Variants in PTPRN2 observed in about 807,000 individuals in gnomAD.
PTPRN2 encodes the protein receptor-type tyrosine-protein phosphatase N2.
A neutral mutation model predicts 118.8 loss-of-function variants in PTPRN2; 74 were observed. That is an observed-to-expected ratio of 0.62 (90% CI 0.52 to 0.76). PTPRN2 has a LOEUF of 0.76. Among genes scored for constraint, PTPRN2 ranks in the 30% least tolerant of loss-of-function variants. PTPRN2 has a pLI of 0.00. For missense variants in PTPRN2, 1,481 were observed against 1,394.4 expected (o/e 1.06, Z -0.99); for synonymous variants, 641 against 608.0 (o/e 1.05, Z -0.80).
intron 11 of PTPRN2, among the ~76,000 whole-genome samples, chr7:157,956,321 C>T (rs762627475): frequency 4.6e-5 from 7 of 152,106 alleles, no homozygotes; most frequent in East Asian, 3.9e-4. Context: ...GTGATCGCTC[C>T]GGTCCACATC....
chr7:158,374,940 ACTG>A (rs1282802446), intron 2 of PTPRN2, among the ~76,000 whole-genome samples: 1 of 152,244 alleles, frequency 6.6e-6, no homozygotes, highest in Non-Finnish European at 1.5e-5. Context: ...GTAACATTTA[ACTG>A]GGAAAATGTA....
intron 6 of PTPRN2, among the ~76,000 whole-genome samples, chr7:158,164,728 G>A (rs1321993975): frequency 6.6e-6 from 1 of 152,180 alleles, no homozygotes; most frequent in Non-Finnish European, 1.5e-5. Context: ...AGATGGGATA[G>A]GAGAGAGAAA....
At chr7:158,410,877 A>C (rs1814009100) in intron 2 of PTPRN2, among the ~76,000 whole-genome samples, 1 of 151,526 alleles carries the variant, frequency 6.6e-6, no homozygotes, top group African/African-American at 2.4e-5. Flanking sequence ...TGCCCAGGTG[A>C]CCCCAGACAC....
intron 11 of PTPRN2, among the ~76,000 whole-genome samples, chr7:158,075,237 T>C (rs11762070): frequency 0.34 from 52,115 of 152,038 alleles, 10,370 homozygotes; most frequent in African/African-American, 0.55. Context: ...AGTCATGGGG[T>C]GCAGCTCCTA....
chr7:158,352,878 C>G (rs1232662834), intron 2 of PTPRN2, among the ~76,000 whole-genome samples: 1 of 152,230 alleles, frequency 6.6e-6, no homozygotes, highest in African/African-American at 2.4e-5. Flanking sequence ...GCTCTCTCTG[C>G]CTGTTACTCT....
At chr7:157,827,010 C>A (rs540873064) in intron 12 of PTPRN2, among the ~76,000 whole-genome samples, 1 of 152,140 alleles carries the variant, frequency 6.6e-6, no homozygotes, top group Non-Finnish European at 1.5e-5. Context: ...GTGTCCCCAG[C>A]AGACACATTG....
intron 3 of PTPRN2, among the ~76,000 whole-genome samples, chr7:158,287,699 A>G (rs988689841): frequency 6.6e-6 from 1 of 152,082 alleles, no homozygotes; most frequent in African/African-American, 2.4e-5. Context: ...ATGTGATTTG[A>G]ATCTTCTTAA....
chr7:157,804,178 G>A (rs147182453), intron 12 of PTPRN2, among the ~76,000 whole-genome samples: 157 of 152,302 alleles, frequency 1.0e-3, no homozygotes, highest in African/African-American at 3.7e-3. Flanking sequence ...GGGTGTGGAG[G>A]GGCCTGTTTA....
chr7:157,576,909 G>A, intron 18 of PTPRN2, 130 bp from the exon 19 acceptor site: 1 of 948,248 alleles, frequency 1.1e-6, no homozygotes, highest in Non-Finnish European at 1.5e-6. Context: ...ACATTTTACA[G>A]CGCAGGTGGG....
At chr7:157,770,322 C>A (rs906738544) in intron 12 of PTPRN2, among the ~76,000 whole-genome samples, 4 of 152,124 alleles carry the variant, frequency 2.6e-5, no homozygotes, top group African/African-American at 4.8e-5. Context: ...TAACAACTAC[C>A]CTTGCTTAAT....
In PTPRN2 at chr7:158,171,064, CACATTATAT is replaced by C. The variant is rs1389103438; in HGVS notation, c.550-3782_550-3774del. Among the ~76,000 whole-genome samples, 134 of 133,606 alleles carry C rather than the reference CACATTATAT, an allele frequency of 1.0e-3. 5 individuals carry two copies. Among genetic ancestry groups the C allele is most frequent in the African/African-American group, 2.9e-3 (96 of 32,918 alleles). The allele number at this position is 133,606 out of a possible 152,430, so 87.7% of individuals were successfully genotyped here. Reference sequence around the variant, plus strand: ...ACATACATATATATACACATATATACACATTATATACACATATATATACACACATATATA... The same window carrying C: ...ACATACATATATATACACATATATACACACATATATATACACACATATATA... On this transcript the variant is annotated intron_variant, in intron 5 of 22. Transcript: ENST00000389418.
chr7:157,662,522 G>A (rs1195720986), intron 13 of PTPRN2, among the ~76,000 whole-genome samples: 3 of 152,200 alleles, frequency 2.0e-5, no homozygotes, highest in Non-Finnish European at 4.4e-5. Flanking sequence ...GGGGTGCCGT[G>A]GGGCCGGGAG....
chr7:157,990,765 C>T lies in PTPRN2; in HGVS notation c.1723+90533G>A, dbSNP rs1037604636. Among the ~76,000 whole-genome samples, 9 of 152,178 alleles carry T rather than the reference C, an allele frequency of 5.9e-5. No homozygotes were observed. Among genetic ancestry groups the T allele is most frequent in the Non-Finnish European group, 1.2e-4 (8 of 68,024 alleles). ...GTGGACTAGGACACTGGAATGTCACCGAGCTTCCCTCCGATACAGTGGGAG... is the reference window on the plus strand; with the variant it reads ...GTGGACTAGGACACTGGAATGTCACTGAGCTTCCCTCCGATACAGTGGGAG... On this transcript the variant is annotated intron_variant, in intron 11 of 22. Transcript: ENST00000389418. This position sits in a 1 kb window ranked among gnomAD's most constrained non-coding sequence, Gnocchi z 4.3.
At chr7:157,971,067 T>C (rs1248047993) in intron 11 of PTPRN2, among the ~76,000 whole-genome samples, 1 of 152,212 alleles carries the variant, frequency 6.6e-6, no homozygotes, top group Admixed American at 6.5e-5. Context: ...ACAGATTTAA[T>C]AACACACCCT....
At chr7:158,342,045 C>G (rs1459557952) in intron 2 of PTPRN2, among the ~76,000 whole-genome samples, 141 of 142,910 alleles carry the variant, frequency 9.9e-4, no homozygotes, top group African/African-American at 3.6e-3. Context: ...TAAGAGCTGA[C>G]ACCCGCAGAC....
intron 12 of PTPRN2, among the ~76,000 whole-genome samples, chr7:157,839,579 G>A (rs1202951580): frequency 1.3e-5 from 2 of 152,108 alleles, no homozygotes; most frequent in Admixed American, 1.3e-4. Flanking sequence ...GTGTGTGACT[G>A]TGTGAGCATG....
intron 2 of PTPRN2, among the ~76,000 whole-genome samples, chr7:158,334,537 A>C (rs1805198632): frequency 8.9e-6 from 1 of 112,086 alleles, no homozygotes; most frequent in African/African-American, 3.1e-5. Context: ...TGCAGACGTC[A>C]CTCACACCCA....
intron 2 of PTPRN2, among the ~76,000 whole-genome samples, chr7:158,403,722 G>A (rs1813123436): frequency 6.6e-6 from 1 of 152,156 alleles, no homozygotes; most frequent in Non-Finnish European, 1.5e-5. Context: ...ACCCACTCGG[G>A]GAGGGGTCCT....
chr7:158,471,719 A>G (rs1819867909), intron 2 of PTPRN2, among the ~76,000 whole-genome samples: 1 of 143,112 alleles, frequency 7.0e-6, no homozygotes, highest in South Asian at 2.3e-4. Context: ...CAAAAAAAAA[A>G]CCTTACTAAC....
Sources: gnomAD v4.1 joint callset for allele counts (sites outside exome capture counted in the v4.1 genomes callset) on GRCh38, gnomAD v4.1.1 for gene constraint, Gnocchi (gnomAD v3.1) non-coding constraint, MANE v1.5 for transcripts, NCBI Gene and HGNC (gene_info 2026-07-23, HGNC 2026-07-21) for gene names.